ADAMTSL1: variants seen among roughly 807,000 people sequenced by gnomAD.
The protein encoded by ADAMTSL1 is ADAMTS-like protein 1.
ADAMTSL1 carries 126 observed loss-of-function variants against 201.8 expected under a neutral mutation model. The observed-to-expected ratio is 0.62, with a 90% CI of 0.54 to 0.72. ADAMTSL1 has a LOEUF of 0.72. Ranked by LOEUF, ADAMTSL1 falls within the 30% of genes least tolerant of loss-of-function variation. The pLI is 0.00. For synonymous variants in ADAMTSL1, 1,121 were observed against 903.4 expected (o/e 1.24, Z -4.32); for missense variants, 2,679 against 2,277.8 (o/e 1.18, Z -3.59).
intron 2 of ADAMTSL1, among the ~76,000 whole-genome samples, chr9:18,399,725 T>C (rs1177971168): frequency 6.6e-6 from 1 of 152,156 alleles, no homozygotes; most frequent in East Asian, 1.9e-4. Context: ...CATTTTATTA[T>C]CAAAGACTAT....
At chr9:18,754,515 A>T (rs10738517) in intron 16 of ADAMTSL1, among the ~76,000 whole-genome samples, 64,786 of 151,988 alleles carry the variant, frequency 0.43, 14,498 homozygotes, top group Non-Finnish European at 0.5. Context: ...CACTCTCAAA[A>T]GTGTCCCAAT....
intron 1 of ADAMTSL1, among the ~76,000 whole-genome samples, chr9:18,066,014 A>AAAAAAG (rs1822683090): frequency 7.4e-6 from 1 of 135,064 alleles, no homozygotes; most frequent in Non-Finnish European, 1.6e-5. Flanking sequence ...AAAAAAAAAA[A>AAAAAAG]GAATGGCACC....
rs200963194 is a variant in ADAMTSL1 at position 18,504,860 on chromosome 9, G to C, written c.95G>C (p.Arg32Pro). ...AGGACCGCACGCTCCGAGGAGGACCGGGACGGCCTATGGGATGCCTGGGGC... is the reference window on the plus strand; with the variant it reads ...AGGACCGCACGCTCCGAGGAGGACCCGGACGGCCTATGGGATGCCTGGGGC... ...SSRTARSEED[R>P]DGLWDAWGPW... Residue 32 changes from arginine to proline, a missense_variant, in exon 2 of 29, where the codon CGG becomes CCG. By Grantham distance (103) the Arg-to-Pro change is moderately radical. Coordinates refer to ENST00000380548, the MANE Select transcript of ADAMTSL1 (RefSeq NM_001040272.6). 203 of 1,614,028 alleles carry C rather than the reference G, an allele frequency of 1.3e-4. No homozygotes were observed. In the East Asian group the frequency reaches 4.0e-3, roughly 32 times the overall value.
intron 23 of ADAMTSL1, among the ~76,000 whole-genome samples, chr9:18,853,696 G>C (rs1355873266): frequency 6.6e-6 from 1 of 152,190 alleles, no homozygotes; most frequent in Non-Finnish European, 1.5e-5. Flanking sequence ...GCCCAAGACT[G>C]ATTAATGGCA....
At chr9:17,947,458 A>G (rs1169632487) in intron 1 of ADAMTSL1, among the ~76,000 whole-genome samples, 1 of 151,986 alleles carries the variant, frequency 6.6e-6, no homozygotes, top group African/African-American at 2.4e-5. Flanking sequence ...TAATTTAGTA[A>G]AAACCATGTT....
intron 23 of ADAMTSL1, among the ~76,000 whole-genome samples, chr9:18,846,051 G>T (rs538815407): frequency 5.9e-5 from 9 of 152,306 alleles, no homozygotes; most frequent in Non-Finnish European, 1.2e-4. Context: ...GCCAAACAGT[G>T]TACTGTGAGC....
chr9:18,278,398 T>C (rs1219147067), intron 2 of ADAMTSL1, among the ~76,000 whole-genome samples: 1 of 152,200 alleles, frequency 6.6e-6, no homozygotes, highest in Non-Finnish European at 1.5e-5. Flanking sequence ...CTCTTTTGTT[T>C]CTAAAGAATA....
At chr9:18,255,939 A>G (rs1831666024) in intron 2 of ADAMTSL1, among the ~76,000 whole-genome samples, 1 of 152,328 alleles carries the variant, frequency 6.6e-6, no homozygotes, top group African/African-American at 2.4e-5. Context: ...TGTTTCTCAT[A>G]TGCAACTGAC....
chr9:18,626,378 A>G (rs1049520145), intron 5 of ADAMTSL1, among the ~76,000 whole-genome samples: 1 of 152,218 alleles, frequency 6.6e-6, no homozygotes, highest in Non-Finnish European at 1.5e-5. Flanking sequence ...CATTTAAACA[A>G]GGATCTAAGG....
At position 18,092,552 on chromosome 9, in the gene ADAMTSL1, C is replaced by A. The variant is rs77600300; in HGVS notation, c.88-71310C>A. On this transcript the variant is annotated intron_variant, in intron 1 of 29. Transcript: ENST00000680146. ...TGATGTGGATAATTGAGAAATGACT[C>A]CAGTGATACAGGAATAAGCTCTTGT... Among the ~76,000 whole-genome samples, 1,027 of 152,240 alleles carry A rather than the reference C, an allele frequency of 6.7e-3. 13 individuals carry two copies. Among genetic ancestry groups the A allele is most frequent in the African/African-American group, 0.023 (963 of 41,532 alleles).
At chr9:18,796,084 T>G (rs774563976) in intron 20 of ADAMTSL1, among the ~76,000 whole-genome samples, 14 of 152,212 alleles carry the variant, frequency 9.2e-5, no homozygotes, top group Non-Finnish European at 1.6e-4. Context: ...ATTCTGCACA[T>G]GGTGACTTAA....
intron 9 of ADAMTSL1, among the ~76,000 whole-genome samples, chr9:18,671,677 G>A (rs892816824): frequency 1.3e-5 from 2 of 152,156 alleles, no homozygotes; most frequent in African/African-American, 4.8e-5. Context: ...CAGAGAAGAA[G>A]CAAGAGGTCA....
At chr9:18,568,726 A>ATTT (rs57985853) in intron 3 of ADAMTSL1, among the ~76,000 whole-genome samples, 35,242 of 143,262 alleles carry the variant, frequency 0.25, 4,391 homozygotes, top group Admixed American at 0.34. Context: ...AGAAGCATGG[A>ATTT]TTTTTTTTTT....
At chr9:18,311,007 T>C (rs1031889117) in intron 2 of ADAMTSL1, among the ~76,000 whole-genome samples, 5 of 150,394 alleles carry the variant, frequency 3.3e-5, no homozygotes, top group Non-Finnish European at 5.9e-5. Context: ...ATATACACCA[T>C]GGAATACTAT....
chr9:18,559,616 G>A (rs1181223090), intron 3 of ADAMTSL1, among the ~76,000 whole-genome samples: 1 of 152,040 alleles, frequency 6.6e-6, no homozygotes, highest in Non-Finnish European at 1.5e-5. Flanking sequence ...CCATTTTCAC[G>A]ATATTGATTC....
chr9:17,917,965 G>A (rs1209613252), intron 1 of ADAMTSL1, among the ~76,000 whole-genome samples: 1 of 151,856 alleles, frequency 6.6e-6, no homozygotes, highest in Non-Finnish European at 1.5e-5. Flanking sequence ...GTAGTTCATA[G>A]TGCTCCTTTA....
chr9:18,464,170 C>A (rs1999174), intron 2 of ADAMTSL1, among the ~76,000 whole-genome samples: 2 of 152,040 alleles, frequency 1.3e-5, no homozygotes, highest in South Asian at 2.1e-4. Context: ...AATAAGCATG[C>A]CCTCATCATC....
At chr9:17,996,419 C>A (rs1023844079) in intron 1 of ADAMTSL1, among the ~76,000 whole-genome samples, 1 of 152,010 alleles carries the variant, frequency 6.6e-6, no homozygotes, top group African/African-American at 2.4e-5. Flanking sequence ...GACTGAGCTA[C>A]AATGTTATAT....
chr9:18,100,510 T>G (rs1281616833), intron 1 of ADAMTSL1, among the ~76,000 whole-genome samples: 1 of 152,202 alleles, frequency 6.6e-6, no homozygotes, highest in East Asian at 1.9e-4. Flanking sequence ...ATCAGCGTAG[T>G]TTTTCAAGTT....
Sources: gnomAD v4.1 joint callset for allele counts (sites outside exome capture counted in the v4.1 genomes callset) on GRCh38, gnomAD v4.1.1 for gene constraint, MANE v1.5 for transcripts, NCBI Gene and HGNC (gene_info 2026-07-23, HGNC 2026-07-21) for gene names.